CORO7: variants seen among roughly 807,000 people sequenced by gnomAD.
CORO7 encodes coronin 7, also known as coronin-7.
A neutral mutation model predicts 126.6 loss-of-function variants in CORO7; 107 were observed. That is an observed-to-expected ratio of 0.85 (90% CI 0.72 to 0.99). CORO7 has a LOEUF of 0.99. Among genes scored for constraint, CORO7 ranks in the 50% least tolerant of loss-of-function variants. CORO7 has a pLI of 0.00. For synonymous variants in CORO7, 603 were observed against 536.8 expected, an observed-to-expected ratio of 1.12 and a Z score of -1.70; for missense variants, 1,314 against 1,255.8, an observed-to-expected ratio of 1.05 and a Z score of -0.70.
intron 9 of CORO7, among the ~76,000 whole-genome samples, chr16:4,379,754 T>C (rs2054881786): frequency 6.6e-6 from 1 of 151,626 alleles, no homozygotes; most frequent in South Asian, 2.1e-4. Flanking sequence ...CAAGAAACAG[T>C]AGACGAAGCC....
intron 3 of CORO7, among the ~76,000 whole-genome samples, chr16:4,408,559 G>C (rs74003299): frequency 1.7e-3 from 253 of 152,330 alleles, no homozygotes; most frequent in African/African-American, 5.8e-3. Flanking sequence ...CCCCTCCTAG[G>C]GCAGCACAGC....
At chr16:4,401,725 G>C (rs2055815026) in intron 6 of CORO7, among the ~76,000 whole-genome samples, 1 of 152,086 alleles carries the variant, frequency 6.6e-6, no homozygotes, top group Non-Finnish European at 1.5e-5. Context: ...AGACAGGCAG[G>C]ACACGAGCGA....
chr16:4,369,122 G>A (rs1229205240), intron 9 of CORO7, among the ~76,000 whole-genome samples: 1 of 152,260 alleles, frequency 6.6e-6, no homozygotes, highest in African/African-American at 2.4e-5. Flanking sequence ...AGGCCGAGTG[G>A]GCAGGAAGTC....
In CORO7 at chr16:4,379,136, G is replaced by A. The variant is rs115183063; in HGVS notation, c.785+8850C>T. Among the ~76,000 whole-genome samples the A allele has an allele frequency of 3.1e-3, 470 of 152,038 alleles. 6 individuals carry two copies. Among genetic ancestry groups the A allele is most frequent in the African/African-American group, 0.011 (446 of 41,462 alleles). On this transcript the variant is annotated intron_variant, in intron 9 of 27. Coordinates refer to ENST00000251166, the MANE Select transcript of CORO7 (RefSeq NM_024535.5). ...TGGACGGGTCCCCCCAGCCTGGGGCGGAGTGCAGGCTGGGTCGGGGTCGTG... is the reference window on the plus strand; with the variant it reads ...TGGACGGGTCCCCCCAGCCTGGGGCAGAGTGCAGGCTGGGTCGGGGTCGTG...
intron 3 of CORO7, 34 bp from the exon 4 acceptor site, chr16:4,408,285 G>A (rs949055754): frequency 4.3e-6 from 7 of 1,614,128 alleles, no homozygotes; most frequent in Admixed American, 1.7e-5. Flanking sequence ...CCACCGGAAT[G>A]TCCTGTTTCC....
At position 4,360,268 on chromosome 16, in the gene CORO7, G is replaced by C. The variant is rs766911558; in HGVS notation, c.2108+10C>G. 5.6e-6 allele frequency: 9 copies of C among 1,613,280 alleles called. No homozygotes were observed. In the Admixed American group the frequency reaches 1.0e-4, roughly 18 times the overall value. On this transcript the variant is annotated intron_variant, in intron 21 of 27. Coordinates refer to ENST00000251166, the MANE Select transcript of CORO7 (RefSeq NM_024535.5). ...CTGAAGCCTGGGGATGGGGATGCCT[G>C]AGTCCTCACCTGTCAAAGCCAGACA...
At chr16:4,373,578 C>T (rs927585468) in intron 9 of CORO7, among the ~76,000 whole-genome samples, 3 of 152,166 alleles carry the variant, frequency 2.0e-5, no homozygotes, top group African/African-American at 7.2e-5. Flanking sequence ...TGGCACGCAG[C>T]CCAGGGGCCA....
chr16:4,368,584 C>A (rs1005333071), intron 9 of CORO7, among the ~76,000 whole-genome samples: 2 of 151,592 alleles, frequency 1.3e-5, no homozygotes, highest in Admixed American at 6.6e-5. Flanking sequence ...CTCGTCTCTA[C>A]TAAAAATGCA....
At chr16:4,386,176 T>C (rs370625674) in intron 9 of CORO7, among the ~76,000 whole-genome samples, 2 of 152,152 alleles carry the variant, frequency 1.3e-5, no homozygotes, top group East Asian at 1.9e-4. Context: ...GAGAGGACCC[T>C]AGCCTGGCCA....
intron 1 of CORO7, chr16:4,414,509 C>T (rs1023620330): frequency 6.6e-6 from 1 of 152,424 alleles, no homozygotes; most frequent in African/African-American, 2.4e-5. Flanking sequence ...AAACCACCTC[C>T]ACCACCTGAA....
chr16:4,382,083 T>C (rs1481919834), intron 9 of CORO7: 3 of 1,583,442 alleles, frequency 1.9e-6, no homozygotes, highest in Non-Finnish European at 2.6e-6. Flanking sequence ...CTGTAGGGCC[T>C]GTCCCCCAGC....
chr16:4,357,750 TGC>T, intron 25 of CORO7: 1 of 728,676 alleles, frequency 1.4e-6, no homozygotes, highest in Non-Finnish European at 2.1e-6. Context: ...CCACAGTGTG[TGC>T]GTGTGTGTGT....
intron 9 of CORO7, among the ~76,000 whole-genome samples, chr16:4,385,416 GGT>G (rs994409654): frequency 1.3e-5 from 2 of 152,066 alleles, no homozygotes; most frequent in African/African-American, 4.8e-5. Flanking sequence ...GGGGGTAGGG[GGT>G]GATACAGTTC....
At chr16:4,359,065 C>T (rs1422131139) in intron 23 of CORO7, 7 of 583,194 alleles carry the variant, frequency 1.2e-5, no homozygotes, top group Middle Eastern at 4.6e-4. Flanking sequence ...GCCACCGTAC[C>T]CGGCCTACAG....
chr16:4,407,233 C>G (rs1474264754), intron 5 of CORO7, among the ~76,000 whole-genome samples: 1 of 151,742 alleles, frequency 6.6e-6, no homozygotes, highest in East Asian at 1.9e-4. Flanking sequence ...CAGGCATGAG[C>G]CACCGCGCCC....
intron 6 of CORO7, among the ~76,000 whole-genome samples, chr16:4,400,268 G>A (rs1205129729): frequency 1.3e-5 from 2 of 152,216 alleles, no homozygotes; most frequent in South Asian, 2.1e-4. Context: ...GGAGGCTGAG[G>A]TGGGTGGATC....
At chr16:4,383,295 G>A in intron 9 of CORO7, 1 of 225,540 alleles carries the variant, frequency 4.4e-6, no homozygotes, top group Admixed American at 5.8e-5. Context: ...CGGGTAGGCG[G>A]CTGTGTGACT....
Position 4,358,097 on chromosome 16 carries a change from A to G in CORO7, c.2464T>C (p.Phe822Leu). Residue 822 changes from phenylalanine to leucine, a missense_variant, in exon 25 of 28, where the codon TTC becomes CTC. By Grantham distance (22) the Phe-to-Leu change is conservative. Coordinates refer to ENST00000251166, the MANE Select transcript of CORO7 (RefSeq NM_024535.5). ...AFRLPRVRKE[F>L]FQDDVFPDTA... is the part of the protein sequence containing the mutation. ...TCTGGGAACACGTCATCCTGGAAGA[A>G]CTCTTTCTGCAGAGGGAGAAACGGG... The G allele has an allele frequency of 1.2e-6, 2 of 1,611,352 alleles. No individual in the cohort carries two copies. The highest frequency in any genetic ancestry group is 1.1e-5 in the South Asian group (1 of 90,966).
intron 7 of CORO7, among the ~76,000 whole-genome samples, chr16:4,392,138 C>T (rs1183475713): frequency 6.6e-6 from 1 of 152,202 alleles, no homozygotes; most frequent in Non-Finnish European, 1.5e-5. Flanking sequence ...CAATCCGGGG[C>T]CCCCTCCCGC....
Sources: allele counts gnomAD v4.1 joint callset (sites outside exome capture counted in the v4.1 genomes callset), GRCh38; gene constraint gnomAD v4.1.1; transcripts MANE v1.5; gene names NCBI Gene and HGNC (gene_info 2026-07-23, HGNC 2026-07-21).